TRIM25: variants seen among roughly 807,000 people sequenced by gnomAD.
The protein encoded by TRIM25 is tripartite motif containing 25, also known as E3 ubiquitin/ISG15 ligase TRIM25.
TRIM25 carries 45 observed loss-of-function variants against 65.2 expected under a neutral mutation model. That is an observed-to-expected ratio of 0.69 (90% CI 0.54 to 0.89). The LOEUF (loss-of-function observed/expected upper bound fraction) is 0.89. TRIM25 is among the 40% of genes least tolerant of loss of function. The pLI is 0.00. For synonymous variants in TRIM25, 321 were observed against 340.4 expected (o/e 0.94, Z 0.63); for missense variants, 714 against 803.7 (o/e 0.89, Z 1.35).
intron 8 of TRIM25, among the ~76,000 whole-genome samples, chr17:56,894,876 G>T (rs1225968054): frequency 6.6e-6 from 1 of 152,232 alleles, no homozygotes. Flanking sequence ...CTTCTACAGT[G>T]TCTGTCTTTT....
intron 5 of TRIM25, among the ~76,000 whole-genome samples, chr17:56,898,342 A>G (rs887137597): frequency 2.0e-5 from 3 of 152,180 alleles, no homozygotes; most frequent in Admixed American, 2.0e-4. Context: ...TCAGTGGTAT[A>G]TGGACATCTC....
rs1402031587 is a variant in TRIM25, at chr17:56,889,865, T to C, written c.*1835A>G. 9 of 398,398 alleles carry C rather than the reference T, an allele frequency of 2.3e-5. 1 individual carries two copies. Among genetic ancestry groups the C allele is most frequent in the Non-Finnish European group, 3.1e-5 (7 of 226,036 alleles). 24.7% of individuals were successfully genotyped at this position (398,398 alleles called of 1,614,324 possible). A position where few individuals can be genotyped will look rare whatever the true frequency, so the allele number is the denominator to read the frequency against. On this transcript the variant is annotated 3_prime_UTR_variant, in exon 9 of 9. Coordinates refer to ENST00000316881, the MANE Select transcript of TRIM25 (RefSeq NM_005082.5). The stretch of plus-strand genomic sequence containing the variant: ...ATCACCAAAGAACTTTTCTTCCAAG[T>C]AGTAAAGGAATAAAACTTCTAAGGA...
At chr17:56,902,963 A>T (rs567979591) in intron 3 of TRIM25, among the ~76,000 whole-genome samples, 1 of 152,304 alleles carries the variant, frequency 6.6e-6, no homozygotes, top group African/African-American at 2.4e-5. Flanking sequence ...TAACCCTGTG[A>T]CATGCCTGCT....
chr17:56,894,889 G>A lies in TRIM25; in HGVS notation c.1363+454C>T, dbSNP rs140961285. On this transcript the variant is annotated intron_variant, in intron 8 of 8. Transcript: ENST00000316881. The stretch of plus-strand genomic sequence containing the variant: ...CCCTTCTACAGTGTCTGTCTTTTTC[G>A]TGAAGCAGAAGGTGGGCGGGACAGG... Among the ~76,000 whole-genome samples the A allele has an allele frequency of 3.5e-3, 540 of 152,338 alleles. 4 individuals carry two copies. Among genetic ancestry groups the A allele is most frequent in the Non-Finnish European group, 5.6e-3 (379 of 68,042 alleles).
chr17:56,899,202 C>T (rs1336512198), intron 4 of TRIM25, 22 bp from the exon 5 acceptor site: 2 of 1,614,064 alleles, frequency 1.2e-6, no homozygotes, highest in Non-Finnish European at 1.7e-6. Flanking sequence ...AAGAAGGGCT[C>T]AGTGTGTGCG....
At position 56,891,141 on chromosome 17, in the gene TRIM25, C is replaced by G. The variant is rs553624505; in HGVS notation, c.*559G>C. 1 of 358,860 alleles carries G rather than the reference C, an allele frequency of 2.8e-6. No individual in the cohort carries two copies. Among genetic ancestry groups the G allele is most frequent in the East Asian group, 7.4e-5 (1 of 13,544 alleles). 22.2% of individuals were successfully genotyped at this position (358,860 alleles called of 1,614,324 possible). On this transcript the variant is annotated 3_prime_UTR_variant, in exon 9 of 9. Transcript: ENST00000316881. ...GGGTATGCCTCTTTAGGAAACTGTTCTGGGTAGAGACTGCTGTGGGTGTTT... is the reference window on the plus strand; with the variant it reads ...GGGTATGCCTCTTTAGGAAACTGTTGTGGGTAGAGACTGCTGTGGGTGTTT...
intron 4 of TRIM25, among the ~76,000 whole-genome samples, chr17:56,901,051 G>C (rs932922284): frequency 7.2e-5 from 11 of 151,988 alleles, no homozygotes; most frequent in Non-Finnish European, 1.5e-4. Context: ...ATGAAAAGGG[G>C]GTGTCAAAGA....
chr17:56,891,600 G>A lies in TRIM25; in HGVS notation c.*100C>T, dbSNP rs937666956. ...TCCCCTCCCATGCTCCCAATCCTTG[G>A]GACCTCTTGGGGAATTATCCAAGGA... On this transcript the variant is annotated 3_prime_UTR_variant, in exon 9 of 9. Coordinates refer to ENST00000316881, the MANE Select transcript of TRIM25 (RefSeq NM_005082.5). The A allele has an allele frequency of 2.2e-6, 3 of 1,366,808 alleles. No individual in the cohort carries two copies. The highest frequency in any genetic ancestry group is 1.5e-5 in the African/African-American group (1 of 68,392). The allele number at this position is 1,366,808 out of a possible 1,614,324, so 84.7% of individuals were successfully genotyped here.
chr17:56,901,365 C>T, intron 4 of TRIM25, 54 bp downstream of exon 4: 2 of 1,570,786 alleles, frequency 1.3e-6, no homozygotes, highest in Non-Finnish European at 1.7e-6. Flanking sequence ...ATTTAGGGGA[C>T]CCATCGGGTT....
chr17:56,913,798 T>C lies in TRIM25; in HGVS notation c.191A>G (p.His64Arg), dbSNP rs1335914608. 1 of 1,560,380 alleles carries C rather than the reference T, an allele frequency of 6.4e-7. No homozygotes were observed. Among genetic ancestry groups the C allele is most frequent in the South Asian group, 1.2e-5 (1 of 84,122 alleles). The part of the protein sequence containing the change: ...RAVYQARPQL[H>R]KNTVLCNVVE... The stretch of plus-strand genomic sequence containing the variant: ...CACGTTGCACAGCACCGTGTTCTTG[T>C]GCAGCTGCGGTCGCGCCTGGTAGAC... Residue 64 changes from histidine to arginine, a missense_variant, in exon 1 of 9, where the codon CAC (histidine) becomes CGC (arginine). By Grantham distance (29) the His-to-Arg change is conservative. This residue lies in a region of TRIM25 where 291 missense variants were observed against 281.8 expected (regional missense o/e 1.03). Coordinates refer to ENST00000316881, the MANE Select transcript of TRIM25 (RefSeq NM_005082.5). The surrounding 1 kb of genome is among the most constrained non-coding windows in gnomAD (Gnocchi z 6.1).
In TRIM25 at chr17:56,913,717, G is replaced by T; in HGVS notation, c.272C>A (p.Thr91Lys). 6.4e-7 allele frequency: 1 copy of T among 1,563,844 alleles called. No individual in the cohort carries two copies. Among genetic ancestry groups the T allele is most frequent in the Non-Finnish European group, 8.7e-7 (1 of 1,154,400 alleles). The change falls in exon 1 of 9, where the codon ACG (threonine) becomes AAG (lysine). Residue 91 changes from threonine to lysine, a missense_variant. Coordinates refer to ENST00000316881, the MANE Select transcript of TRIM25 (RefSeq NM_005082.5). This position sits in a 1 kb window ranked among gnomAD's most constrained non-coding sequence, Gnocchi z 6.1. Reference protein sequence around the residue: ...LAREPPADVWTPPARASAPSP... With the variant: ...LAREPPADVWKPPARASAPSP... ...GGGTGCAGAGGCGCGGGCGGGCGGCGTCCAGACGTCGGCGGGTGGCTCCCG... is the reference window on the plus strand; with the variant it reads ...GGGTGCAGAGGCGCGGGCGGGCGGCTTCCAGACGTCGGCGGGTGGCTCCCG...
At chr17:56,907,454 T>C (rs985860720) in intron 2 of TRIM25, among the ~76,000 whole-genome samples, 1 of 152,228 alleles carries the variant, frequency 6.6e-6, no homozygotes. Flanking sequence ...AACTAGTATG[T>C]GACAGAGCTG....
In TRIM25 at chr17:56,908,347, C is replaced by T. The variant is rs1052883844; in HGVS notation, c.693+121G>A. On this transcript the variant is annotated intron_variant, in intron 2 of 8. Transcript: ENST00000316881. ...TGCATGCTTTGCAAGGTTGATGTTT[C>T]ATCCTGACACTGTGAGTGCACCCAA... 10 of 954,950 alleles carry T rather than the reference C, an allele frequency of 1.0e-5. No individual in the cohort carries two copies. The African/African-American group carries it at 1.6e-4, about 15-fold the overall frequency. The allele number at this position is 954,950 out of a possible 1,614,324, so 59.2% of individuals were successfully genotyped here.
intron 2 of TRIM25, 143 bp from the exon 3 acceptor site, chr17:56,904,631 C>T (rs1909484956): frequency 1.4e-6 from 1 of 713,910 alleles, no homozygotes; most frequent in Non-Finnish European, 2.4e-6. Context: ...AGCAACTTGG[C>T]AATATCTAAT....
Position 56,901,595 on chromosome 17 carries a change from G to A in TRIM25, c.928-17C>T. On this transcript the variant is annotated splice_polypyrimidine_tract_variant and intron_variant, in intron 3 of 8. Coordinates refer to ENST00000316881, the MANE Select transcript of TRIM25 (RefSeq NM_005082.5). The stretch of plus-strand genomic sequence containing the variant: ...TGATGCTTTCTGGAACATGCCAGGG[G>A]GTTAGTGCAGGCAGCTCTGGTGAAA... The A allele has an allele frequency of 1.2e-6, 2 of 1,613,926 alleles. No homozygotes were observed. The highest frequency in any genetic ancestry group is 1.7e-6 in the Non-Finnish European group (2 of 1,179,872).
At chr17:56,895,637 G>A (rs767505116) in intron 6 of TRIM25, 33 bp from the exon 7 acceptor site, 126 of 1,530,318 alleles carry the variant, frequency 8.2e-5, no homozygotes, top group Middle Eastern at 5.3e-4. Flanking sequence ...ATGATACAGA[G>A]CAACGGGATG....
chr17:56,901,379 G>A (rs201333506), intron 4 of TRIM25, 40 bp downstream of exon 4: 5 of 1,595,924 alleles, frequency 3.1e-6, no homozygotes, highest in Admixed American at 1.7e-5. Flanking sequence ...TCGGGTTGCA[G>A]GGTTCCACAG....
At chr17:56,895,034 G>A (rs1465576801) in intron 8 of TRIM25, among the ~76,000 whole-genome samples, 1 of 152,230 alleles carries the variant, frequency 6.6e-6, no homozygotes, top group African/African-American at 2.4e-5. Flanking sequence ...GTGAAGGCCG[G>A]TGACCGCAAT....
At chr17:56,893,114 G>A (rs927542900) in intron 8 of TRIM25, among the ~76,000 whole-genome samples, 68 of 152,054 alleles carry the variant, frequency 4.5e-4, no homozygotes, top group African/African-American at 1.6e-3. Context: ...GGGGAAGCTG[G>A]GTGGCTGGGA....
Sources: gnomAD v4.1 joint callset for allele counts (sites outside exome capture counted in the v4.1 genomes callset) on GRCh38, gnomAD v4.1.1 for gene constraint, gnomAD v4.1.1 regional missense constraint, Gnocchi (gnomAD v3.1) non-coding constraint, MANE v1.5 for transcripts, NCBI Gene and HGNC (gene_info 2026-07-23, HGNC 2026-07-21) for gene names.